Variants in CNTN4 observed in about 807,000 individuals in gnomAD.
The protein encoded by CNTN4 is contactin 4.
CNTN4 carries 77 observed loss-of-function variants against 122.5 expected under a neutral mutation model. The observed-to-expected ratio is 0.63, with a 90% CI of 0.52 to 0.76. The LOEUF is 0.76. CNTN4 is among the 30% of genes least tolerant of loss of function. The pLI is 0.00. For missense variants in CNTN4, 1,256 were observed against 1,259.1 expected (o/e 1.00, Z 0.04); for synonymous variants, 512 against 447.0 (o/e 1.15, Z -1.83).
At position 2,709,981 on chromosome 3, in the gene CNTN4, C is replaced by T. The variant is rs188556531; in HGVS notation, c.56-26234C>T. On this transcript the variant is annotated intron_variant, in intron 4 of 24. Coordinates refer to ENST00000418658, the MANE Select transcript of CNTN4 (RefSeq NM_175607.3). The surrounding 1 kb of genome is among the most constrained non-coding windows in gnomAD (Gnocchi z 5.0). ...CTTAATGCTTATTGCTGAAACCCTC[C>T]TTTGTTAACATTTTAAATTGTCGCT... is the stretch of plus-strand genomic sequence containing the variant. Among the ~76,000 whole-genome samples, 1 of 152,138 alleles carries T rather than the reference C, an allele frequency of 6.6e-6. No individual in the cohort carries two copies. The highest frequency in any genetic ancestry group is 2.4e-5 in the African/African-American group (1 of 41,434).
At chr3:2,973,454 C>T (rs545976848) in intron 13 of CNTN4, among the ~76,000 whole-genome samples, 1 of 151,998 alleles carries the variant, frequency 6.6e-6, no homozygotes, top group South Asian at 2.1e-4. Context: ...GGAGAGTATT[C>T]CGAAGGCCTG....
At chr3:2,305,737 CATA>C in intron 2 of CNTN4, among the ~76,000 whole-genome samples, 1 of 152,028 alleles carries the variant, frequency 6.6e-6, no homozygotes, top group Non-Finnish European at 1.5e-5. Context: ...TATTAAATTC[CATA>C]ATATTTTCAA....
At chr3:3,023,220 C>T (rs556845692) in intron 14 of CNTN4, among the ~76,000 whole-genome samples, 1 of 152,272 alleles carries the variant, frequency 6.6e-6, no homozygotes, top group South Asian at 2.1e-4. Flanking sequence ...TTAGTTTAAT[C>T]TTTTCTTGTC....
chr3:2,696,205 T>C (rs886533726), intron 4 of CNTN4, among the ~76,000 whole-genome samples: 5 of 152,246 alleles, frequency 3.3e-5, no homozygotes, highest in African/African-American at 7.2e-5. Flanking sequence ...TTGATAACTA[T>C]AATGACCTGA....
chr3:2,444,115 A>C (rs1239634419), intron 3 of CNTN4, among the ~76,000 whole-genome samples: 1 of 151,878 alleles, frequency 6.6e-6, no homozygotes, highest in Non-Finnish European at 1.5e-5. Context: ...CTTTTCATTC[A>C]GTCTTTTTTG....
At chr3:2,509,994 A>G (rs1471336424) in intron 3 of CNTN4, among the ~76,000 whole-genome samples, 1 of 152,204 alleles carries the variant, frequency 6.6e-6, no homozygotes, top group African/African-American at 2.4e-5. Flanking sequence ...TTTGTGTACA[A>G]CTAAATAAGA....
At chr3:2,769,288 C>T (rs139736070) in intron 6 of CNTN4, among the ~76,000 whole-genome samples, 2 of 151,882 alleles carry the variant, frequency 1.3e-5, no homozygotes, top group African/African-American at 4.8e-5. Flanking sequence ...ATGGTGAAAC[C>T]CCATCTCTAC....
intron 4 of CNTN4, among the ~76,000 whole-genome samples, chr3:2,600,186 T>G (rs1006802193): frequency 6.6e-6 from 1 of 151,796 alleles, no homozygotes; most frequent in East Asian, 1.9e-4. Flanking sequence ...ATTATATGAT[T>G]GTTAGACCTT....
At chr3:2,395,161 A>ATT (rs1471582650) in intron 3 of CNTN4, among the ~76,000 whole-genome samples, 1 of 152,170 alleles carries the variant, frequency 6.6e-6, no homozygotes, top group Non-Finnish European at 1.5e-5. Flanking sequence ...GAATACATAA[A>ATT]CTGTTGTTTA....
At chr3:2,148,967 TGTGTTGG>T (rs1270382052) in intron 2 of CNTN4, among the ~76,000 whole-genome samples, 5 of 143,824 alleles carry the variant, frequency 3.5e-5, no homozygotes, top group Non-Finnish European at 7.6e-5. Context: ...TGTGTGTGTG[TGTGTTGG>T]GGGGGTGGTG....
intron 13 of CNTN4, among the ~76,000 whole-genome samples, chr3:2,987,952 C>T (rs1389793550): frequency 1.3e-5 from 2 of 152,114 alleles, no homozygotes; most frequent in African/African-American, 4.8e-5. Flanking sequence ...AATGAAAAGA[C>T]TTAAATTGAT....
intron 7 of CNTN4, among the ~76,000 whole-genome samples, chr3:2,862,146 AG>A (rs1239999646): frequency 6.6e-6 from 1 of 152,222 alleles, no homozygotes; most frequent in Admixed American, 6.5e-5. Context: ...AGGTTAAGAA[AG>A]GCATCTTTGA....
At position 2,140,775 on chromosome 3, in the gene CNTN4, A is replaced by G. The variant is rs187878978; in HGVS notation, c.-145+40136A>G. Among the ~76,000 whole-genome samples the G allele has an allele frequency of 2.3e-3, 357 of 152,312 alleles. 1 individual carries two copies. The highest frequency in any genetic ancestry group is 8.3e-3 in the African/African-American group (343 of 41,560). On this transcript the variant is annotated intron_variant, in intron 2 of 24. Coordinates refer to ENST00000418658, the MANE Select transcript of CNTN4 (RefSeq NM_175607.3). ...TGGTACAAAGCTGGTGTATGCCTCA[A>G]AATTTATATTTTGCACTCAGAAAAA...
intron 3 of CNTN4, among the ~76,000 whole-genome samples, chr3:2,355,019 T>C (rs1035539047): frequency 2.6e-5 from 4 of 152,328 alleles, no homozygotes; most frequent in Middle Eastern, 3.4e-3. Flanking sequence ...AGCCCTGTTG[T>C]GTCAGTAGCT....
chr3:2,604,990 T>G (rs1195702933), intron 4 of CNTN4, among the ~76,000 whole-genome samples: 1 of 152,170 alleles, frequency 6.6e-6, no homozygotes, highest in Non-Finnish European at 1.5e-5. Context: ...ATATTTTGCA[T>G]AACTGTTCTG....
At chr3:2,621,186 C>T (rs2081975471) in intron 4 of CNTN4, among the ~76,000 whole-genome samples, 1 of 152,160 alleles carries the variant, frequency 6.6e-6, no homozygotes, top group South Asian at 2.1e-4. Context: ...TCTTCCTCCT[C>T]ACCTTCTCAT....
At chr3:2,915,503 T>C (rs2094344329) in intron 12 of CNTN4, among the ~76,000 whole-genome samples, 1 of 152,252 alleles carries the variant, frequency 6.6e-6, no homozygotes, top group Non-Finnish European at 1.5e-5. Flanking sequence ...TACTTACTTA[T>C]TCTTTGTCTA....
At chr3:2,225,554 A>C (rs1317707228) in intron 2 of CNTN4, among the ~76,000 whole-genome samples, 2 of 151,936 alleles carry the variant, frequency 1.3e-5, no homozygotes, top group Admixed American at 6.6e-5. Flanking sequence ...ACAAACAAAA[A>C]CCCAGGTCCT....
At chr3:2,223,253 G>A (rs1175456354) in intron 2 of CNTN4, among the ~76,000 whole-genome samples, 1 of 152,124 alleles carries the variant, frequency 6.6e-6, no homozygotes, top group African/African-American at 2.4e-5. Context: ...CCGTCCAGTT[G>A]CCCTGTGGGT....
Sources: gnomAD v4.1 joint callset for allele counts (sites outside exome capture counted in the v4.1 genomes callset) on GRCh38, gnomAD v4.1.1 for gene constraint, Gnocchi (gnomAD v3.1) non-coding constraint, MANE v1.5 for transcripts, NCBI Gene and HGNC (gene_info 2026-07-23, HGNC 2026-07-21) for gene names.